Variants in RTRAF observed in about 807,000 individuals in gnomAD.
RTRAF encodes the protein RNA transcription, translation and transport factor, also known as tRNA-splicing ligase complex subunit RTRAF.
A neutral mutation model predicts 34.4 loss-of-function variants in RTRAF; 14 were observed. The ratio of observed to expected loss-of-function variants is 0.41; its 90% CI spans 0.27 to 0.64. The LOEUF (loss-of-function observed/expected upper bound fraction) is 0.64. RTRAF is among the 30% of genes least tolerant of loss of function. The pLI is 0.34. For missense variants in RTRAF, 291 were observed against 288.4 expected (o/e 1.01, Z -0.06); for synonymous variants, 96 against 95.3 (o/e 1.01, Z -0.04).
In RTRAF at chr14:52,008,774, G is replaced by A. The variant is rs950297812; in HGVS notation, c.*4258G>A. Reference sequence around the variant, plus strand: ...CGATACAAACTATGGAACTTGAAGAGATGTGGACCAGGGATTTGAGAAGGA... The same window carrying A: ...CGATACAAACTATGGAACTTGAAGAAATGTGGACCAGGGATTTGAGAAGGA... On this transcript the variant is annotated 3_prime_UTR_variant, in exon 8 of 8. Coordinates refer to ENST00000261700, the MANE Select transcript of RTRAF (RefSeq NM_016039.3). 2 of 152,228 alleles carry A rather than the reference G, an allele frequency of 1.3e-5. No individual in the cohort carries two copies. Among genetic ancestry groups the A allele is most frequent in the African/African-American group, 4.8e-5 (2 of 41,466 alleles). The allele number at this position is 152,228 out of a possible 1,614,324, so 9.4% of individuals were successfully genotyped here.
At chr14:51,991,763 T>G (rs745827287) in intron 2 of RTRAF, among the ~76,000 whole-genome samples, 2 of 152,212 alleles carry the variant, frequency 1.3e-5, no homozygotes, top group African/African-American at 4.8e-5. Flanking sequence ...CAGTACTATT[T>G]CTTATATTAA....
In RTRAF at chr14:52,006,132, A is replaced by G. The variant is rs1890770990; in HGVS notation, c.*1616A>G. The G allele has an allele frequency of 4.5e-6, 2 of 443,574 alleles. No individual in the cohort carries two copies. The highest frequency in any genetic ancestry group is 6.9e-5 in the Admixed American group (2 of 29,132). 27.5% of individuals were successfully genotyped at this position (443,574 alleles called of 1,614,324 possible). On this transcript the variant is annotated 3_prime_UTR_variant, in exon 8 of 8. Coordinates refer to ENST00000261700, the MANE Select transcript of RTRAF (RefSeq NM_016039.3). ...TTCCACAGTTCCTCATTTGAGAACTAGTCTAAATAGTATTTTTCGGTCCCT... is the reference window on the plus strand; with the variant it reads ...TTCCACAGTTCCTCATTTGAGAACTGGTCTAAATAGTATTTTTCGGTCCCT...
Position 52,006,462 on chromosome 14 carries a change from C to T in RTRAF, c.*1946C>T. The T allele has an allele frequency of 1.9e-6, 3 of 1,575,266 alleles. No homozygotes were observed. The highest frequency in any genetic ancestry group is 3.5e-5 in the Admixed American group (2 of 56,454). On this transcript the variant is annotated 3_prime_UTR_variant, in exon 8 of 8. Transcript: ENST00000261700. ...CTTAATGAGTCAAGTCAGGTACTGACTTTTGGTAAAACAAGTGGTGTGTCC... is the reference window on the plus strand; with the variant it reads ...CTTAATGAGTCAAGTCAGGTACTGATTTTTGGTAAAACAAGTGGTGTGTCC...
chr14:51,995,863 T>C (rs947734904), intron 3 of RTRAF, among the ~76,000 whole-genome samples: 22 of 152,174 alleles, frequency 1.4e-4, no homozygotes, highest in African/African-American at 5.3e-4. Context: ...ATAAGCCTTA[T>C]GGCTTTAGTG....
rs549260597 is a variant in RTRAF, at chr14:52,006,557, G to A, written c.*2041G>A. On this transcript the variant is annotated 3_prime_UTR_variant, in exon 8 of 8. Transcript: ENST00000261700. ...CTCACCTCCTCCAGTCTGTGTGGTA[G>A]AAGTGATCTGCATAGCTTACGATGC... The A allele has an allele frequency of 3.2e-5, 51 of 1,613,788 alleles. 1 individual carries two copies. The South Asian group carries it at 5.3e-4, about 17-fold the overall frequency.
chr14:52,006,344 A>AAAGGATGATTTCAAAAACATG lies in RTRAF; in HGVS notation c.*1831_*1851dup. 1 of 588,140 alleles carries AAAGGATGATTTCAAAAACATG rather than the reference A, an allele frequency of 1.7e-6. No individual in the cohort carries two copies. Among genetic ancestry groups the AAAGGATGATTTCAAAAACATG allele is most frequent in the Non-Finnish European group, 3.0e-6 (1 of 336,650 alleles). 36.4% of individuals were successfully genotyped at this position (588,140 alleles called of 1,614,324 possible). ...TACCATTCGATTTCTGGGTGAAGTA[A>AAAGGATGATTTCAAAAACATG]AAGGATGATTTCAAAAACATGAAAG... On this transcript the variant is annotated 3_prime_UTR_variant, in exon 8 of 8. Coordinates refer to ENST00000261700, the MANE Select transcript of RTRAF (RefSeq NM_016039.3).
chr14:51,998,033 A>C (rs1393978341), intron 3 of RTRAF: 1 of 152,128 alleles, frequency 6.6e-6, no homozygotes, highest in Non-Finnish European at 1.5e-5. Context: ...TATAGCAAAA[A>C]TTAAGCTTGA....
intron 5 of RTRAF, among the ~76,000 whole-genome samples, chr14:52,000,214 T>C (rs2140330277): frequency 6.6e-6 from 1 of 152,268 alleles, no homozygotes; most frequent in African/African-American, 2.4e-5. Context: ...TGATTCATAG[T>C]CTGCATTTGT....
chr14:51,997,225 T>C (rs1890534863), intron 3 of RTRAF, among the ~76,000 whole-genome samples: 2 of 152,106 alleles, frequency 1.3e-5, no homozygotes, highest in African/African-American at 2.4e-5. Context: ...CCACTAGTTT[T>C]AGCAACCATA....
intron 3 of RTRAF, among the ~76,000 whole-genome samples, chr14:51,995,312 T>C (rs1890501575): frequency 6.6e-6 from 1 of 152,128 alleles, no homozygotes; most frequent in Non-Finnish European, 1.5e-5. Context: ...CTTTCCTTTT[T>C]TAACTTCTAG....
Position 52,010,085 on chromosome 14 carries a change from G to C in RTRAF, c.*5569G>C, listed in dbSNP as rs1195749738. 6.6e-6 allele frequency: 1 copy of C among 152,240 alleles called. No homozygotes were observed. The highest frequency in any genetic ancestry group is 1.9e-4 in the East Asian group (1 of 5,198). 9.4% of individuals were successfully genotyped at this position (152,240 alleles called of 1,614,324 possible). On this transcript the variant is annotated 3_prime_UTR_variant, in exon 8 of 8. Coordinates refer to ENST00000261700, the MANE Select transcript of RTRAF (RefSeq NM_016039.3). ...GTTTTTAAGAGGGCTATTAATTCCTGTTAAGTCAACTGGAATAGAGAAGGA... is the reference window on the plus strand; with the variant it reads ...GTTTTTAAGAGGGCTATTAATTCCTCTTAAGTCAACTGGAATAGAGAAGGA...
Position 52,005,640 on chromosome 14 carries a change from G to A in RTRAF, c.*1124G>A, listed in dbSNP as rs1258337725. 34 of 1,360,388 alleles carry A rather than the reference G, an allele frequency of 2.5e-5. No individual in the cohort carries two copies. Among genetic ancestry groups the A allele is most frequent in the East Asian group, 1.2e-4 (5 of 43,436 alleles). 84.3% of individuals were successfully genotyped at this position (1,360,388 alleles called of 1,614,324 possible). A position where few individuals can be genotyped will look rare whatever the true frequency, so the allele number is the denominator to read the frequency against. ...GCCCTCAGGGCAGGAAGAAGGCAAT[G>A]GTGGCAGTGTCACAGGCAGCAGGGG... On this transcript the variant is annotated 3_prime_UTR_variant, in exon 8 of 8. Coordinates refer to ENST00000261700, the MANE Select transcript of RTRAF (RefSeq NM_016039.3).
In RTRAF at chr14:51,989,557, T is replaced by C. The variant is rs567563792; in HGVS notation, c.-83T>C. On this transcript the variant is annotated 5_prime_UTR_variant, in exon 1 of 8. Transcript: ENST00000261700. ...AGCGCCTGCCCGCCCTCTCGCCGCGTCGCCGGTGCCTGCGCCTCCCGCTCC... is the reference window on the plus strand; with the variant it reads ...AGCGCCTGCCCGCCCTCTCGCCGCGCCGCCGGTGCCTGCGCCTCCCGCTCC... The C allele has an allele frequency of 3.5e-6, 5 of 1,447,864 alleles. No individual in the cohort carries two copies. In the South Asian group the frequency reaches 3.8e-5, roughly 11 times the overall value. The allele number at this position is 1,447,864 out of a possible 1,614,324, so 89.7% of individuals were successfully genotyped here.
Position 52,005,468 on chromosome 14 carries a change from T to C in RTRAF, c.*952T>C. 6.3e-7 allele frequency: 1 copy of C among 1,583,544 alleles called. No homozygotes were observed. ...GGTTCTGATTGTAAACTCCAAGTCTTCCTTTACATTACTGTACTTACTTTC... is the reference window on the plus strand; with the variant it reads ...GGTTCTGATTGTAAACTCCAAGTCTCCCTTTACATTACTGTACTTACTTTC... On this transcript the variant is annotated 3_prime_UTR_variant, in exon 8 of 8. Coordinates refer to ENST00000261700, the MANE Select transcript of RTRAF (RefSeq NM_016039.3).
intron 3 of RTRAF, among the ~76,000 whole-genome samples, chr14:51,994,880 CCT>C (rs1246010787): frequency 6.6e-6 from 1 of 151,988 alleles, no homozygotes; most frequent in Non-Finnish European, 1.5e-5. Flanking sequence ...CCCATTTCCC[CCT>C]CTGTTTCTTT....
At chr14:51,990,306 A>G (rs1245838982) in intron 1 of RTRAF, among the ~76,000 whole-genome samples, 1 of 152,222 alleles carries the variant, frequency 6.6e-6, no homozygotes. Flanking sequence ...TGTGAATACA[A>G]AGGTATTTGG....
intron 6 of RTRAF, chr14:52,003,990 C>G: frequency 1.7e-6 from 1 of 579,302 alleles, no homozygotes; most frequent in Admixed American, 3.3e-5. Flanking sequence ...TAAAGGTTAA[C>G]TTTTCCCCCT....
chr14:52,005,090 T>G lies in RTRAF; in HGVS notation c.*574T>G, dbSNP rs1039795068. ...CAACTGTCAAGGTTTAGGATTATAT[T>G]GTTATATTGATCACATGTGCTTTAA... On this transcript the variant is annotated 3_prime_UTR_variant, in exon 8 of 8. Transcript: ENST00000261700. The G allele has an allele frequency of 5.4e-5, 9 of 167,994 alleles. No homozygotes were observed. Among genetic ancestry groups the G allele is most frequent in the Non-Finnish European group, 8.9e-5 (7 of 78,652 alleles). The allele number at this position is 167,994 out of a possible 1,614,324, so 10.4% of individuals were successfully genotyped here.
In RTRAF at chr14:52,005,666, TAATCA is replaced by T; in HGVS notation, c.*1154_*1158del. 7.2e-7 allele frequency: 1 copy of T among 1,397,740 alleles called. No individual in the cohort carries two copies. Among genetic ancestry groups the T allele is most frequent in the Non-Finnish European group, 1.0e-6 (1 of 984,918 alleles). The allele number at this position is 1,397,740 out of a possible 1,614,324, so 86.6% of individuals were successfully genotyped here. A position where few individuals can be genotyped will look rare whatever the true frequency, so the allele number is the denominator to read the frequency against. On this transcript the variant is annotated 3_prime_UTR_variant, in exon 8 of 8. Transcript: ENST00000261700. The stretch of plus-strand genomic sequence containing the variant: ...GTGGCAGTGTCACAGGCAGCAGGGG[TAATCA>T]AATACCATATATATCCCTTCTCTAC...
Sources: allele counts gnomAD v4.1 joint callset (sites outside exome capture counted in the v4.1 genomes callset), GRCh38; gene constraint gnomAD v4.1.1; transcripts MANE v1.5; gene names NCBI Gene and HGNC (gene_info 2026-07-23, HGNC 2026-07-21).